Variants in SUCLA2 observed in about 807,000 individuals in gnomAD.
SUCLA2 encodes succinate-CoA ligase ADP-forming subunit beta.
A neutral mutation model predicts 54.8 loss-of-function variants in SUCLA2; 30 were observed. The ratio of observed to expected loss-of-function variants is 0.55; its 90% CI spans 0.41 to 0.74. The LOEUF (loss-of-function observed/expected upper bound fraction) is 0.74. Ranked by LOEUF, SUCLA2 falls within the 30% of genes least tolerant of loss-of-function variation. SUCLA2 has a pLI of 0.00. For missense variants in SUCLA2, 476 were observed against 562.9 expected, an observed-to-expected ratio of 0.85 and a Z score of 1.56; for synonymous variants, 172 against 188.9, an observed-to-expected ratio of 0.91 and a Z score of 0.74.
chr13:47,947,457 C>A (rs1183244404), intron 10 of SUCLA2, among the ~76,000 whole-genome samples: 1 of 152,192 alleles, frequency 6.6e-6, no homozygotes, highest in East Asian at 1.9e-4. Context: ...GCAAAATGTA[C>A]TCCATGGTAA....
intron 2 of SUCLA2, chr13:47,994,852 C>T (rs9595830): frequency 0.066 from 64,961 of 984,782 alleles, 2,313 homozygotes; most frequent in Middle Eastern, 0.08. Context: ...CAGAAATACT[C>T]ATAGTTACAG....
chr13:47,967,108 A>T (rs1949925678), intron 6 of SUCLA2, among the ~76,000 whole-genome samples: 1 of 152,166 alleles, frequency 6.6e-6, no homozygotes, highest in Admixed American at 6.5e-5. Flanking sequence ...AAATTCTTGG[A>T]TATCTGCTGA....
intron 2 of SUCLA2, among the ~76,000 whole-genome samples, chr13:47,994,298 G>A (rs188068978): frequency 1.1e-3 from 166 of 151,874 alleles, no homozygotes; most frequent in Non-Finnish European, 1.6e-3. Context: ...GGCTGGGTGC[G>A]GTGGCTCACG....
chr13:47,964,403 T>C (rs1949898664), intron 6 of SUCLA2, among the ~76,000 whole-genome samples: 1 of 152,198 alleles, frequency 6.6e-6, no homozygotes, highest in Non-Finnish European at 1.5e-5. Flanking sequence ...GCTACTCAAA[T>C]CTATGTATGG....
At chr13:47,959,570 G>A (rs1055200877) in intron 6 of SUCLA2, among the ~76,000 whole-genome samples, 4 of 151,830 alleles carry the variant, frequency 2.6e-5, no homozygotes, top group African/African-American at 9.7e-5. Flanking sequence ...GGAGAAGGAG[G>A]AGGAGGAAGA....
intron 6 of SUCLA2, among the ~76,000 whole-genome samples, chr13:47,964,654 G>A (rs1427322357): frequency 3.3e-5 from 5 of 152,050 alleles, no homozygotes; most frequent in South Asian, 2.1e-4. Context: ...CCAGGAGATC[G>A]AGACCATCCT....
At chr13:47,961,670 T>C (rs78252818) in intron 6 of SUCLA2, among the ~76,000 whole-genome samples, 14,593 of 152,242 alleles carry the variant, frequency 0.096, 809 homozygotes, top group South Asian at 0.18. Flanking sequence ...AGATATGTTG[T>C]TAATATGCAT....
intron 6 of SUCLA2, among the ~76,000 whole-genome samples, chr13:47,957,199 T>C (rs896441001): frequency 1.3e-5 from 2 of 152,164 alleles, no homozygotes; most frequent in African/African-American, 4.8e-5. Flanking sequence ...TTCCTTGCTA[T>C]ATAAACCCCG....
intron 6 of SUCLA2, chr13:47,965,634 G>A (rs935728182): frequency 1.0e-5 from 4 of 398,264 alleles, no homozygotes; most frequent in Non-Finnish European, 1.8e-5. Flanking sequence ...GTGTGATCCT[G>A]GTGGTCCTGG....
At chr13:47,981,363 T>C (rs1950059037) in intron 4 of SUCLA2, among the ~76,000 whole-genome samples, 1 of 152,140 alleles carries the variant, frequency 6.6e-6, no homozygotes, top group Admixed American at 6.5e-5. Context: ...TATGAAAAGA[T>C]ACTCAGTATC....
At chr13:47,990,843 A>G (rs943840982) in intron 2 of SUCLA2, among the ~76,000 whole-genome samples, 2 of 152,222 alleles carry the variant, frequency 1.3e-5, no homozygotes, top group Non-Finnish European at 2.9e-5. Context: ...AAAACAACCT[A>G]AAGTTTACAC....
Position 47,951,981 on chromosome 13 carries a change from T to A in SUCLA2, c.1107+2159A>T, listed in dbSNP as rs1949779910. 2.6e-5 allele frequency among the ~76,000 whole-genome samples: 3 copies of A among 117,198 alleles called. No individual in the cohort carries two copies. In the South Asian group the frequency reaches 8.8e-4, roughly 34 times the overall value. 76.9% of individuals were successfully genotyped at this position (117,198 alleles called of 152,430 possible). On this transcript the variant is annotated intron_variant, in intron 8 of 10. Coordinates refer to ENST00000646932, the MANE Select transcript of SUCLA2 (RefSeq NM_003850.3). ...GACTGATAGCACTGCATCCCTTCCATGCCTTTGTAAAAAAAAAAAAAAAAA... is the reference window on the plus strand; with the variant it reads ...GACTGATAGCACTGCATCCCTTCCAAGCCTTTGTAAAAAAAAAAAAAAAAA...
chr13:47,973,464 C>A, intron 4 of SUCLA2, 72 bp from the exon 5 acceptor site: 1 of 1,535,112 alleles, frequency 6.5e-7, no homozygotes, highest in South Asian at 1.1e-5. Flanking sequence ...AAAACCTACC[C>A]GTGCATAATA....
chr13:47,997,543 C>G (rs778699730), intron 1 of SUCLA2, among the ~76,000 whole-genome samples: 1 of 152,194 alleles, frequency 6.6e-6, no homozygotes, highest in African/African-American at 2.4e-5. Flanking sequence ...CCATTCAGGA[C>G]CAAGGCATTC....
chr13:47,989,098 A>G, intron 2 of SUCLA2, 117 bp from the exon 3 acceptor site: 1 of 995,762 alleles, frequency 1.0e-6, no homozygotes, highest in Non-Finnish European at 1.6e-6. Context: ...ATTTATTCAC[A>G]ATGTCCAAAA....
At chr13:47,996,218 G>A (rs1950189452) in intron 2 of SUCLA2, among the ~76,000 whole-genome samples, 1 of 151,418 alleles carries the variant, frequency 6.6e-6, no homozygotes, top group African/African-American at 2.4e-5. Context: ...AGGTACTCGG[G>A]AGGCTGAGGC....
intron 4 of SUCLA2, among the ~76,000 whole-genome samples, chr13:47,977,060 C>T (rs1256056973): frequency 6.7e-6 from 1 of 148,522 alleles, no homozygotes; most frequent in African/African-American, 2.5e-5. Context: ...ATAAAATTGA[C>T]AACCCTTTAA....
chr13:47,954,235 G>T lies in SUCLA2; in HGVS notation c.1012C>A (p.His338Asn), dbSNP rs761872769. The T allele has an allele frequency of 6.2e-7, 1 of 1,613,834 alleles. No homozygotes were observed. Among genetic ancestry groups the T allele is most frequent in the East Asian group, 2.2e-5 (1 of 44,874 alleles). ...AMATMDIIKL[H>N]GGTPANFLDV... ...AGGAAGTTGGCTGGAGTCCCTCCAT[G>T]AAGTTTTATTATATCCATTGTGGCC... Residue 338 changes from histidine (H) to asparagine (N), a missense_variant, in exon 8 of 11, where the codon CAT (histidine) becomes AAT (asparagine). By Grantham distance (68) the His-to-Asn change is moderately conservative. Transcript: ENST00000646932.
intron 10 of SUCLA2, among the ~76,000 whole-genome samples, chr13:47,947,179 A>G (rs1949738265): frequency 1.3e-5 from 2 of 152,188 alleles, no homozygotes; most frequent in African/African-American, 4.8e-5. Context: ...CACAACTTAC[A>G]TGAACTGAAC....
Sources: gnomAD v4.1 joint callset for allele counts (sites outside exome capture counted in the v4.1 genomes callset) on GRCh38, gnomAD v4.1.1 for gene constraint, MANE v1.5 for transcripts, NCBI Gene and HGNC (gene_info 2026-07-23, HGNC 2026-07-21) for gene names.